EXOC1: variants seen among roughly 807,000 people sequenced by gnomAD.
EXOC1 encodes SEC3-like 1.
EXOC1 carries 67 observed loss-of-function variants against 107.7 expected under a neutral mutation model. The observed-to-expected ratio is 0.62, with a 90% CI of 0.51 to 0.76. The LOEUF (loss-of-function observed/expected upper bound fraction) is 0.76. Ranked by LOEUF, EXOC1 falls within the 30% of genes least tolerant of loss-of-function variation. The pLI, the probability that EXOC1 is intolerant of heterozygous loss-of-function variation, is 0.00. For missense variants in EXOC1, 833 were observed against 1,055.7 expected (o/e 0.79, Z 2.92); for synonymous variants, 348 against 353.5 (o/e 0.98, Z 0.17).
At chr4:55,885,779 G>T (rs1263167095) in intron 10 of EXOC1, 1 of 152,104 alleles carries the variant, frequency 6.6e-6, no homozygotes, top group African/African-American at 2.4e-5. Context: ...AATAAAAATT[G>T]GTTCATGTTT....
chr4:55,892,452 C>T (rs921240309), intron 13 of EXOC1, among the ~76,000 whole-genome samples, 183 bp from the exon 14 acceptor site: 1 of 152,108 alleles, frequency 6.6e-6, no homozygotes, highest in African/African-American at 2.4e-5. Flanking sequence ...AAGAGTATCT[C>T]ATGAACATTC....
rs754356233 is a variant in EXOC1, at chr4:55,860,405, C to T, written c.125-6C>T. On this transcript the variant is annotated splice_region_variant and splice_polypyrimidine_tract_variant and intron_variant, in intron 2 of 18. Coordinates refer to ENST00000381295, the MANE Select transcript of EXOC1 (RefSeq NM_001024924.2). ...TTCTAATAAAAGTGTGCGTTTTACT[C>T]AACAGTGACAACTGAACGCCCTGTG... 37 of 1,613,076 alleles carry T rather than the reference C, an allele frequency of 2.3e-5. No individual in the cohort carries two copies. Among genetic ancestry groups the T allele is most frequent in the Admixed American group, 5.0e-5 (3 of 59,946 alleles).
intron 1 of EXOC1, 69 bp from the exon 2 acceptor site, chr4:55,858,245 A>G: frequency 7.1e-7 from 1 of 1,402,988 alleles, no homozygotes; most frequent in Non-Finnish European, 9.4e-7. Context: ...TTTTCAAATC[A>G]TAAATTCAGA....
intron 1 of EXOC1, among the ~76,000 whole-genome samples, chr4:55,857,144 T>TTCATTA: frequency 6.6e-6 from 1 of 151,734 alleles, no homozygotes; most frequent in Admixed American, 6.6e-5. Flanking sequence ...TTTAGCATGT[T>TTCATTA]TCATTACTTC....
intron 1 of EXOC1, among the ~76,000 whole-genome samples, chr4:55,857,623 CAT>C (rs1279291674): frequency 6.6e-6 from 1 of 151,508 alleles, no homozygotes; most frequent in Non-Finnish European, 1.5e-5. Flanking sequence ...TTTGTGTGGA[CAT>C]ATGTTTTCAG....
chr4:55,863,057 C>T (rs1321150793), intron 3 of EXOC1, among the ~76,000 whole-genome samples: 1 of 152,072 alleles, frequency 6.6e-6, no homozygotes, highest in Non-Finnish European at 1.5e-5. Context: ...CATGCCACTA[C>T]ACCCGGCTAA....
chr4:55,894,614 C>T (rs1451483413), intron 15 of EXOC1, among the ~76,000 whole-genome samples: 14 of 76,120 alleles, frequency 1.8e-4, no homozygotes, highest in South Asian at 1.3e-3. Context: ...CTATCTGTTA[C>T]TTTTTTTTTT....
At chr4:55,857,608 A>C (rs937347736) in intron 1 of EXOC1, among the ~76,000 whole-genome samples, 1 of 152,082 alleles carries the variant, frequency 6.6e-6, no homozygotes, top group Non-Finnish European at 1.5e-5. Context: ...ATTCATGTAC[A>C]AATTTTTGTG....
At position 55,877,849 on chromosome 4, in the gene EXOC1, T is replaced by C. The variant is rs1435762441; in HGVS notation, c.1075-68T>C. ...GCTTGGCCACATTTTGGTCATTGTT[T>C]AGACTTTTTATTGTAACGTTTCTTT... On this transcript the variant is annotated intron_variant, in intron 8 of 18. Transcript: ENST00000381295. 4.4e-6 allele frequency: 7 copies of C among 1,588,308 alleles called. No homozygotes were observed. The Middle Eastern group carries it at 5.0e-4, about 114-fold the overall frequency.
chr4:55,897,277 C>T (rs1384163827), intron 16 of EXOC1, among the ~76,000 whole-genome samples: 1 of 151,938 alleles, frequency 6.6e-6, no homozygotes, highest in African/African-American at 2.4e-5. Context: ...CAGGTGCACC[C>T]TACCATGCCC....
At chr4:55,889,524 A>T (rs192824818) in intron 11 of EXOC1, among the ~76,000 whole-genome samples, 68 of 152,304 alleles carry the variant, frequency 4.5e-4, no homozygotes, top group Non-Finnish European at 1.6e-4. Flanking sequence ...CAGATGTCCC[A>T]TATTAATATG....
chr4:55,884,599 C>G lies in EXOC1; in HGVS notation c.1330+671C>G, dbSNP rs184289801. On this transcript the variant is annotated intron_variant, in intron 10 of 18. Transcript: ENST00000381295. ...TCAAGTTATGAGGAAGGTGATTTGC[C>G]GAGGCCACATTCTGCTCTTGCATGT... is the stretch of plus-strand genomic sequence containing the variant. 4.1e-3 allele frequency among the ~76,000 whole-genome samples: 631 copies of G among 152,242 alleles called. 2 individuals are homozygous for G. The highest frequency in any genetic ancestry group is 0.01 in the Middle Eastern group (3 of 294).
At chr4:55,888,626 A>AG (rs1724154877) in intron 10 of EXOC1, among the ~76,000 whole-genome samples, 1 of 152,086 alleles carries the variant, frequency 6.6e-6, no homozygotes, top group African/African-American at 2.4e-5. Context: ...TTTAAAGTGT[A>AG]GGGGGGTTAC....
At position 55,875,012 on chromosome 4, in the gene EXOC1, A is replaced by G. The variant is rs149707594; in HGVS notation, c.1075-2905A>G. Among the ~76,000 whole-genome samples, 1,017 of 152,284 alleles carry G rather than the reference A, an allele frequency of 6.7e-3. 8 individuals carry two copies. Among genetic ancestry groups the G allele is most frequent in the Non-Finnish European group, 9.5e-3 (646 of 68,008 alleles). ...GGTTCTACAGAGACCTCATGATTCTATCTACTTTTGCCTTTAGCAACATGA... is the reference window on the plus strand; with the variant it reads ...GGTTCTACAGAGACCTCATGATTCTGTCTACTTTTGCCTTTAGCAACATGA... On this transcript the variant is annotated intron_variant, in intron 8 of 18. Coordinates refer to ENST00000381295, the MANE Select transcript of EXOC1 (RefSeq NM_001024924.2).
intron 10 of EXOC1, chr4:55,885,595 G>A (rs1382441897): frequency 1.3e-5 from 2 of 152,168 alleles, no homozygotes; most frequent in Non-Finnish European, 2.9e-5. Flanking sequence ...ATAGAAAATT[G>A]TGCTCACTTT....
At chr4:55,899,040 G>A (rs1178292471) in intron 16 of EXOC1, among the ~76,000 whole-genome samples, 1 of 152,094 alleles carries the variant, frequency 6.6e-6, no homozygotes, top group Non-Finnish European at 1.5e-5. Flanking sequence ...CTGTACCAAT[G>A]CTGGGTTTTA....
rs73238376 is a variant in EXOC1 at position 55,865,889 on chromosome 4, A to G, written c.415+1503A>G. Among the ~76,000 whole-genome samples, 784 of 152,308 alleles carry G rather than the reference A, an allele frequency of 5.1e-3. 4 individuals carry two copies. The highest frequency in any genetic ancestry group is 8.4e-3 in the Non-Finnish European group (571 of 68,022). ...CAAGAGTATAGACACGTTCATGTGT[A>G]TAAACATTAACCCTAACTGAGATCG... On this transcript the variant is annotated intron_variant, in intron 4 of 18. Transcript: ENST00000381295.
chr4:55,877,844 T>C, intron 8 of EXOC1, 73 bp from the exon 9 acceptor site: 1 of 1,577,112 alleles, frequency 6.3e-7, no homozygotes, highest in African/African-American at 1.4e-5. Flanking sequence ...ATTTTGGTCA[T>C]TGTTTAGACT....
intron 9 of EXOC1, 183 bp from the exon 10 acceptor site, chr4:55,883,640 A>T (rs2109428799): frequency 2.3e-6 from 1 of 430,096 alleles, no homozygotes; most frequent in South Asian, 5.1e-5. Context: ...TAAATTGTTA[A>T]TGTTATGATG....
Sources: allele counts gnomAD v4.1 joint callset (sites outside exome capture counted in the v4.1 genomes callset), GRCh38; gene constraint gnomAD v4.1.1; transcripts MANE v1.5; gene names NCBI Gene and HGNC (gene_info 2026-07-23, HGNC 2026-07-21).